The following VPS33A variants were observed in gnomAD, a reference collection of about 807,000 sequenced individuals.
VPS33A encodes the protein VPS33A core subunit of CORVET and HOPS complexes.
A neutral mutation model predicts 71.8 loss-of-function variants in VPS33A; 32 were observed. That is an observed-to-expected ratio of 0.45 (90% confidence interval 0.34 to 0.60). The LOEUF (loss-of-function observed/expected upper bound fraction) is 0.60. Among genes scored for constraint, VPS33A ranks in the 20% least tolerant of loss-of-function variants. VPS33A has a pLI of 0.02. For missense variants in VPS33A, 625 were observed against 748.5 expected (o/e 0.84, Z 1.92); for synonymous variants, 311 against 292.7 (o/e 1.06, Z -0.64).
chr12:122,247,473 G>C (rs1954790640), intron 6 of VPS33A, among the ~76,000 whole-genome samples: 1 of 152,016 alleles, frequency 6.6e-6, no homozygotes, highest in African/African-American at 2.4e-5. Flanking sequence ...TCAATAAATA[G>C]AGTTTTAAAA....
rs765134574 is a variant in VPS33A, at chr12:122,251,001, C to T, written c.582G>A (p.Gly194=). The change falls in exon 5 of 13, where the codon GGG becomes GGA. Residue 194 remains glycine (G), a synonymous_variant. Coordinates refer to ENST00000267199, the MANE Select transcript of VPS33A (RefSeq NM_022916.6). ...TTCTCACCCGAGCGCATTCTCCTTT[C>T]CCAAAGATCTGGGGGATCGTTCCAT... ...ALYGTIPQIF[G]KGECARQVAN... is the part of the protein sequence containing the mutation. The T allele has an allele frequency of 1.9e-6, 3 of 1,613,852 alleles. No individual in the cohort carries two copies. The Admixed American group carries it at 5.0e-5, about 27-fold the overall frequency.
rs1334490553 is a variant in VPS33A, at chr12:122,238,699, A to G, written c.1190T>C (p.Ile397Thr). Residue 397 changes from isoleucine (I) to threonine (T), a missense_variant, in exon 10 of 13, where the codon ATC becomes ACC. Coordinates refer to ENST00000267199, the MANE Select transcript of VPS33A (RefSeq NM_022916.6). ...DKVNNYIEDC[I>T]AQKHSLIKVL... ...CTTGATCAACGAGTGCTTTTGGGCG[A>G]TACAATCCTCAATGTAATTGTTGAC... The G allele has an allele frequency of 1.2e-5, 20 of 1,613,778 alleles. No homozygotes were observed. The highest frequency in any genetic ancestry group is 1.7e-5 in the Non-Finnish European group (20 of 1,179,970).
chr12:122,251,158 T>G, intron 4 of VPS33A, 59 bp from the exon 5 acceptor site: 3 of 1,166,222 alleles, frequency 2.6e-6, no homozygotes, highest in Non-Finnish European at 3.8e-6. Context: ...GGCCCATCTC[T>G]GTTCCTGGGG....
intron 4 of VPS33A, among the ~76,000 whole-genome samples, chr12:122,253,715 T>C (rs1954875859): frequency 6.6e-6 from 1 of 152,118 alleles, no homozygotes. Context: ...TTTCCTTTTT[T>C]GAGACAGAGT....
At chr12:122,235,646 A>G (rs1954619999) in intron 11 of VPS33A, 140 bp downstream of exon 11, 1 of 1,103,058 alleles carries the variant, frequency 9.1e-7, no homozygotes, top group African/African-American at 1.6e-5. Context: ...GATACAATAC[A>G]TGCATACATT....
At chr12:122,239,048 G>A (rs1035343897) in intron 9 of VPS33A, among the ~76,000 whole-genome samples, 3 of 151,574 alleles carry the variant, frequency 2.0e-5, no homozygotes, top group African/African-American at 7.3e-5. Flanking sequence ...CCAAGTCACT[G>A]GAGCCCAAGG....
At chr12:122,256,167 C>T (rs1379289572) in intron 4 of VPS33A, among the ~76,000 whole-genome samples, 3 of 151,960 alleles carry the variant, frequency 2.0e-5, no homozygotes, top group South Asian at 2.1e-4. Flanking sequence ...ACTCTTTTAA[C>T]GAGGTGATCT....
chr12:122,236,059 TG>T (rs1366078169), intron 10 of VPS33A, 136 bp from the exon 11 acceptor site: 5 of 1,093,500 alleles, frequency 4.6e-6, no homozygotes, highest in Non-Finnish European at 6.5e-6. Flanking sequence ...TGTTAGTGGA[TG>T]GGCACAGAGG....
chr12:122,236,001 CA>C, intron 10 of VPS33A, 78 bp from the exon 11 acceptor site: 1 of 1,531,750 alleles, frequency 6.5e-7, no homozygotes, highest in Non-Finnish European at 8.8e-7. Context: ...GCACTTCCAA[CA>C]AATCAATTTG....
rs116055172 is a variant in VPS33A at position 122,232,704 on chromosome 12, T to C, written c.1609+96A>G. 4 of 1,455,590 alleles carry C rather than the reference T, an allele frequency of 2.7e-6. No homozygotes were observed. The African/African-American group carries it at 4.2e-5, about 15-fold the overall frequency. The allele number at this position is 1,455,590 out of a possible 1,614,324, so 90.2% of individuals were successfully genotyped here. A position where few individuals can be genotyped will look rare whatever the true frequency, so the allele number is the denominator to read the frequency against. ...CAAAAGAGGTGTATTTAATTCTGAC[T>C]CCTAAGTGCTTTACTATTTTACAAA... On this transcript the variant is annotated intron_variant, in intron 12 of 12. Transcript: ENST00000267199.
At chr12:122,251,796 G>C (rs1954847626) in intron 4 of VPS33A, among the ~76,000 whole-genome samples, 1 of 151,580 alleles carries the variant, frequency 6.6e-6, no homozygotes, top group African/African-American at 2.4e-5. Flanking sequence ...AGGGGGGAGG[G>C]ATAGCATTAG....
At chr12:122,237,525 A>G (rs1385874369) in intron 10 of VPS33A, among the ~76,000 whole-genome samples, 1 of 145,540 alleles carries the variant, frequency 6.9e-6, no homozygotes, top group Non-Finnish European at 1.5e-5. Flanking sequence ...GAATGCACAT[A>G]AAGTTTTTCT....
chr12:122,266,473 G>T lies in VPS33A; in HGVS notation c.-65C>A, dbSNP rs1054939656. 1.7e-5 allele frequency: 27 copies of T among 1,569,486 alleles called. No individual in the cohort carries two copies. The highest frequency in any genetic ancestry group is 2.3e-5 in the Non-Finnish European group (26 of 1,151,942). ...CCGCCGGTTCCTACGGGAGGACCAC[G>T]GACGCAGTCACGTGACCAAACGTCC... On this transcript the variant is annotated 5_prime_UTR_variant, in exon 1 of 13. Transcript: ENST00000267199.
chr12:122,252,764 T>C lies in VPS33A; in HGVS notation c.484-1665A>G, dbSNP rs867380008. 16 of 152,196 alleles carry C rather than the reference T, an allele frequency of 1.1e-4. 1 individual carries two copies. The highest frequency in any genetic ancestry group is 2.0e-4 in the Admixed American group (3 of 15,266). The allele number at this position is 152,196 out of a possible 1,614,324, so 9.4% of individuals were successfully genotyped here. On this transcript the variant is annotated intron_variant, in intron 4 of 12. Coordinates refer to ENST00000267199, the MANE Select transcript of VPS33A (RefSeq NM_022916.6). ...GAGAATCTCTTTGTGCCTCAATTTA[T>C]TCATATGTAGAAGGGAGTATAGTCC...
rs868778815 is a variant in VPS33A at position 122,264,302 on chromosome 12, G to A, written c.103-103C>T. 5 of 827,830 alleles carry A rather than the reference G, an allele frequency of 6.0e-6. No individual in the cohort carries two copies. In the East Asian group the frequency reaches 1.2e-4, roughly 19 times the overall value. The allele number at this position is 827,830 out of a possible 1,614,324, so 51.3% of individuals were successfully genotyped here. On this transcript the variant is annotated intron_variant, in intron 1 of 12. Transcript: ENST00000267199. ...AGGAGGAGTATTTGCTTCAAATTCT[G>A]AGTTAAAAAATTTTATCCTAGTGTT...
chr12:122,232,729 A>ATACCT, intron 12 of VPS33A, 71 bp downstream of exon 12: 1 of 1,520,408 alleles, frequency 6.6e-7, no homozygotes, highest in South Asian at 1.3e-5. Context: ...TATTTTACAA[A>ATACCT]GCAACTGTAC....
At chr12:122,239,840 T>G in intron 9 of VPS33A, 38 bp downstream of exon 9, 1 of 1,496,430 alleles carries the variant, frequency 6.7e-7, no homozygotes, top group Non-Finnish European at 9.3e-7. Context: ...TTAATAAGCT[T>G]TCAATTACTT....
chr12:122,253,550 C>CA (rs35143468), intron 4 of VPS33A: 27,478 of 82,970 alleles, frequency 0.33, 3,883 homozygotes, highest in East Asian at 0.7. Context: ...AAGACTGTCT[C>CA]AAAAAAAAAA....
At chr12:122,255,959 A>AC (rs1328044111) in intron 4 of VPS33A, among the ~76,000 whole-genome samples, 1 of 151,964 alleles carries the variant, frequency 6.6e-6, no homozygotes, top group African/African-American at 2.4e-5. Context: ...GCACATCACC[A>AC]CGTGTGGCTA....
Sources: allele counts gnomAD v4.1 joint callset (sites outside exome capture counted in the v4.1 genomes callset), GRCh38; gene constraint gnomAD v4.1.1; transcripts MANE v1.5; gene names NCBI Gene and HGNC (gene_info 2026-07-23, HGNC 2026-07-21).